The following LCN15 variants were observed in gnomAD, a reference collection of about 807,000 sequenced individuals.
LCN15 encodes the protein lipocalin-15.
A neutral mutation model predicts 23.1 loss-of-function variants in LCN15; 26 were observed. The observed-to-expected ratio is 1.13, with a 90% confidence interval of 0.82 to 1.56. LCN15 has a LOEUF of 1.56. Among genes scored for constraint, LCN15 ranks in the 40% most tolerant of loss-of-function variants. The pLI is 0.00. For missense variants in LCN15, 241 were observed against 239.5 expected (o/e 1.01, Z -0.04); for synonymous variants, 107 against 98.3 (o/e 1.09, Z -0.52).
chr9:136,761,224 C>T lies in LCN15; in HGVS notation c.*32+563G>A, dbSNP rs1178204714. Among the ~76,000 whole-genome samples, 1 of 152,208 alleles carries T rather than the reference C, an allele frequency of 6.6e-6. No homozygotes were observed. The highest frequency in any genetic ancestry group is 1.5e-5 in the Non-Finnish European group (1 of 68,040). On this transcript the variant is annotated intron_variant, in intron 6 of 6. Transcript: ENST00000316144. The surrounding 1 kb of genome is among the most constrained non-coding windows in gnomAD (Gnocchi z 4.2). ...CTGTGGACATCTTGATTTTGGACTT[C>T]TGGCCTCCAGAACTGGGAGAGATAA...
Position 136,764,382 on chromosome 9 carries a change from G to C in LCN15, c.96+11C>G, listed in dbSNP as rs1564337057. The C allele has an allele frequency of 6.2e-7, 1 of 1,610,550 alleles. No homozygotes were observed. The highest frequency in any genetic ancestry group is 2.2e-5 in the East Asian group (1 of 44,778). ...TCCCACCCACCACAGGACAGCAGAG[G>C]CCCCTGGTACCTTTTCAGCATTGAA... On this transcript the variant is annotated intron_variant, in intron 1 of 6. Coordinates refer to ENST00000316144, the MANE Select transcript of LCN15 (RefSeq NM_203347.2).
rs1158525669 is a variant in LCN15 at position 136,763,750 on chromosome 9, G to C, written c.270C>G (p.Tyr90Ter). The C allele has an allele frequency of 6.2e-7, 1 of 1,613,474 alleles. No homozygotes were observed. Among genetic ancestry groups the C allele is most frequent in the South Asian group, 1.1e-5 (1 of 91,078 alleles). Reference sequence around the variant, plus strand: ...AGTGTCCCTCGGAGCCCACCTTCAGGTACTCGGCATCCACCTGGTTACAGC... The same window carrying C: ...AGTGTCCCTCGGAGCCCACCTTCAGCTACTCGGCATCCACCTGGTTACAGC... ...ADGCNQVDAE[Y>*]LKVGSEGHFR... The change falls in exon 3 of 7, where the codon TAC (tyrosine) becomes TAG (stop). Residue 90 changes from tyrosine (Y) to a stop codon, truncating the protein, a stop_gained. Coordinates refer to ENST00000316144, the MANE Select transcript of LCN15 (RefSeq NM_203347.2). LOFTEE classifies it high-confidence loss of function.
Position 136,764,005 on chromosome 9 carries a change from G to A in LCN15, c.101C>T (p.Ser34Leu), listed in dbSNP as rs372194987. The change falls in exon 2 of 7, where the codon TCA (serine) becomes TTA (leucine). Residue 34 changes from serine to leucine, a missense_variant. By Grantham distance (145) the Ser-to-Leu change is moderately radical (BLOSUM62 -2). Coordinates refer to ENST00000316144, the MANE Select transcript of LCN15 (RefSeq NM_203347.2). ...CATGGAGACCACGTACCAGAGGCCT[G>A]AGAACTGCCGGGGGCTTAGTCACCC... is the stretch of plus-strand genomic sequence containing the variant. Reference protein sequence around the residue: ...LQPDFNAEKFSGLWYVVSMAS... With the variant: ...LQPDFNAEKFLGLWYVVSMAS... The A allele has an allele frequency of 6.8e-6, 11 of 1,612,782 alleles. No individual in the cohort carries two copies. Among genetic ancestry groups the A allele is most frequent in the Admixed American group, 1.7e-5 (1 of 60,010 alleles).
chr9:136,762,043 C>A, intron 5 of LCN15, 145 bp downstream of exon 5: 1 of 736,556 alleles, frequency 1.4e-6, no homozygotes. Flanking sequence ...GGGGTAGGGG[C>A]TGCAGGGGCT....
intron 1 of LCN15, 99 bp downstream of exon 1, chr9:136,764,294 G>T: frequency 8.0e-7 from 1 of 1,246,244 alleles, no homozygotes; most frequent in Non-Finnish European, 1.1e-6. Flanking sequence ...GCCGGGCACA[G>T]AGCAAGCGCC....
intron 6 of LCN15, among the ~76,000 whole-genome samples, chr9:136,760,441 G>A (rs1847304252): frequency 6.6e-6 from 1 of 152,214 alleles, no homozygotes; most frequent in South Asian, 2.1e-4. Flanking sequence ...CAGAGATGCA[G>A]GAAACGCAAC....
intron 5 of LCN15, 86 bp downstream of exon 5, chr9:136,762,102 T>C: frequency 7.7e-6 from 7 of 907,226 alleles, no homozygotes. Context: ...GCACACTGCC[T>C]GTGCTGTGAG....
intron 4 of LCN15, among the ~76,000 whole-genome samples, chr9:136,763,141 A>G (rs955637716): frequency 1.3e-5 from 2 of 150,574 alleles, no homozygotes; most frequent in Non-Finnish European, 3.0e-5. Context: ...GGGTCACAGC[A>G]GGAGAGGGCA....
At chr9:136,760,870 C>T (rs929718396) in intron 6 of LCN15, among the ~76,000 whole-genome samples, 4 of 152,236 alleles carry the variant, frequency 2.6e-5, no homozygotes, top group South Asian at 2.1e-4. Flanking sequence ...CTGGAACCTC[C>T]GAACGTGGCC....
rs1323060858 is a variant in LCN15 at position 136,763,714 on chromosome 9, C to T, written c.306G>A (p.Pro102=). Residue 102 remains proline, a splice_region_variant and synonymous_variant, in exon 3 of 7, where the codon CCG becomes CCA. Transcript: ENST00000316144. ...GAAGGCAGAGGAGGCAGGACCTACC[C>T]GGGACTCTGAAGTGTCCCTCGGAGC... is the stretch of plus-strand genomic sequence containing the variant. ...KVGSEGHFRV[P]ALGYLDVRIV... 1.2e-6 allele frequency: 2 copies of T among 1,613,062 alleles called. No homozygotes were observed. The highest frequency in any genetic ancestry group is 2.2e-5 in the East Asian group (1 of 44,898).
intron 1 of LCN15, 37 bp downstream of exon 1, chr9:136,764,356 C>T: frequency 1.9e-6 from 3 of 1,566,804 alleles, no homozygotes; most frequent in Non-Finnish European, 2.6e-6. Context: ...AGGGGCCCAG[C>T]TCCCACCCAC....
intron 4 of LCN15, 61 bp downstream of exon 4, chr9:136,763,296 G>T: frequency 2.1e-6 from 2 of 955,890 alleles, no homozygotes; most frequent in Non-Finnish European, 3.0e-6. Flanking sequence ...GGCAGAACGG[G>T]GGGCGGGGCC....
At chr9:136,760,379 G>A (rs938781047) in intron 6 of LCN15, among the ~76,000 whole-genome samples, 2 of 151,780 alleles carry the variant, frequency 1.3e-5, no homozygotes, top group East Asian at 1.9e-4. Flanking sequence ...GCAGGACGGC[G>A]AGTCTCCAGG....
intron 6 of LCN15, among the ~76,000 whole-genome samples, chr9:136,760,842 C>T (rs1484492698): frequency 6.6e-6 from 1 of 152,202 alleles, no homozygotes; most frequent in Non-Finnish European, 1.5e-5. Context: ...AATCGTGTCC[C>T]CAAAACTTCA....
At position 136,762,177 on chromosome 9, in the gene LCN15, T is replaced by C. The variant is rs1473652466; in HGVS notation, c.520+11A>G. ...TGGGGGGCATGGGGTGGGCGGGGCTTGCCAGGGTACCTGACTGGGGCAGCA... is the reference window on the plus strand; with the variant it reads ...TGGGGGGCATGGGGTGGGCGGGGCTCGCCAGGGTACCTGACTGGGGCAGCA... On this transcript the variant is annotated intron_variant, in intron 5 of 6. Transcript: ENST00000316144. 2.0e-6 allele frequency: 3 copies of C among 1,534,712 alleles called. No individual in the cohort carries two copies. The highest frequency in any genetic ancestry group is 2.8e-5 in the African/African-American group (2 of 71,874).
chr9:136,761,798 G>T lies in LCN15; in HGVS notation c.*21C>A. ...CCTGGAGAACCCACCTGGGAAGGGC[G>T]GGGGTGGGGCTCCGGAGGTGTCAGG... On this transcript the variant is annotated 3_prime_UTR_variant, in exon 6 of 7. Coordinates refer to ENST00000316144, the MANE Select transcript of LCN15 (RefSeq NM_203347.2). The surrounding 1 kb of genome is among the most constrained non-coding windows in gnomAD (Gnocchi z 4.2). The T allele has an allele frequency of 2.3e-6, 3 of 1,280,310 alleles. No homozygotes were observed. Among genetic ancestry groups the T allele is most frequent in the East Asian group, 3.0e-5 (1 of 33,600 alleles). The allele number at this position is 1,280,310 out of a possible 1,614,324, so 79.3% of individuals were successfully genotyped here. A position where few individuals can be genotyped will look rare whatever the true frequency, so the allele number is the denominator to read the frequency against.
Position 136,763,374 on chromosome 9 carries a change from G to T in LCN15, c.401C>A (p.Thr134Asn), listed in dbSNP as rs1229185400. 6 of 1,591,702 alleles carry T rather than the reference G, an allele frequency of 3.8e-6. No homozygotes were observed. The South Asian group carries it at 5.6e-5, about 15-fold the overall frequency. The change falls in exon 4 of 7, where the codon ACC becomes AAC. Residue 134 changes from threonine to asparagine, a missense_variant. Physicochemically the swap from Thr to Asn is moderately conservative, Grantham distance 65. Transcript: ENST00000316144. ...GCACTCACTGTAGAGCTGCACCATG[G>T]TGCTGAGGGCCCCCTCCAGCTCCTT... ...IYKELEGALSTMVQLYSRTQD... is the reference protein window; with the variant it reads ...IYKELEGALSNMVQLYSRTQD...
Position 136,761,135 on chromosome 9 carries a change from G to A in LCN15, c.*32+652C>T, listed in dbSNP as rs185296944. On this transcript the variant is annotated intron_variant, in intron 6 of 6. Coordinates refer to ENST00000316144, the MANE Select transcript of LCN15 (RefSeq NM_203347.2). The surrounding 1 kb of genome is among the most constrained non-coding windows in gnomAD (Gnocchi z 4.2). ...CAAGAAATGCCCAGGACAAGCGGCA[G>A]CCGTGGGAGCTGGGGGGGCGGTGTG... is the stretch of plus-strand genomic sequence containing the variant. Among the ~76,000 whole-genome samples the A allele has an allele frequency of 2.4e-4, 36 of 152,316 alleles. No individual in the cohort carries two copies. The highest frequency in any genetic ancestry group is 7.9e-4 in the African/African-American group (33 of 41,558).
chr9:136,763,294 G>T (rs914222837), intron 4 of LCN15, 63 bp downstream of exon 4: 5 of 930,466 alleles, frequency 5.4e-6, no homozygotes, highest in Admixed American at 2.7e-5. Context: ...TAGGCAGAAC[G>T]GGGGGCGGGG....
Sources: gnomAD v4.1 joint callset for allele counts (sites outside exome capture counted in the v4.1 genomes callset) on GRCh38, gnomAD v4.1.1 for gene constraint, Gnocchi (gnomAD v3.1) non-coding constraint, MANE v1.5 for transcripts, NCBI Gene and HGNC (gene_info 2026-07-23, HGNC 2026-07-21) for gene names.